OR9Q1: variants seen among roughly 807,000 people sequenced by gnomAD.
The protein encoded by OR9Q1 is olfactory receptor 9Q1.
For missense variants in OR9Q1, 374 were observed against 378.8 expected, an observed-to-expected ratio of 0.99 and a Z score of 0.11; for synonymous variants, 153 against 148.6, an observed-to-expected ratio of 1.03 and a Z score of -0.22.
At chr11:58,151,189 T>A (rs1226384209) in intron 2 of OR9Q1, among the ~76,000 whole-genome samples, 1 of 152,196 alleles carries the variant, frequency 6.6e-6, no homozygotes, top group Non-Finnish European at 1.5e-5. Context: ...TAACTTTTAC[T>A]GAGATCCTTA....
chr11:58,114,014 G>T (rs1853927033), intron 2 of OR9Q1, among the ~76,000 whole-genome samples: 1 of 152,150 alleles, frequency 6.6e-6, no homozygotes, highest in Admixed American at 6.5e-5. Flanking sequence ...GATTGCTGCT[G>T]TGAGAATCTG....
intron 2 of OR9Q1, among the ~76,000 whole-genome samples, chr11:58,140,280 CTTTAG>C (rs1268444070): frequency 1.3e-5 from 2 of 152,106 alleles, no homozygotes; most frequent in African/African-American, 2.4e-5. Context: ...TGCAGAAGCT[CTTTAG>C]TTTAATTAGA....
chr11:58,148,682 G>T (rs774604191), intron 2 of OR9Q1, among the ~76,000 whole-genome samples: 4 of 152,186 alleles, frequency 2.6e-5, no homozygotes, highest in Admixed American at 6.6e-5. Context: ...TTCAAAAAAG[G>T]TAAGGCAGCT....
intron 1 of OR9Q1, among the ~76,000 whole-genome samples, chr11:58,030,199 G>A (rs1311975151): frequency 1.3e-5 from 2 of 152,086 alleles, no homozygotes; most frequent in Non-Finnish European, 1.5e-5. Flanking sequence ...AAAAAGAATA[G>A]CATTGCTTCT....
chr11:58,070,083 C>A (rs1465035358), intron 2 of OR9Q1, among the ~76,000 whole-genome samples: 4 of 151,818 alleles, frequency 2.6e-5, no homozygotes, highest in Non-Finnish European at 4.4e-5. Flanking sequence ...CTCACTGCAA[C>A]CTCCACCTCC....
At chr11:58,118,212 T>G (rs1056313563) in intron 2 of OR9Q1, 4 of 251,632 alleles carry the variant, frequency 1.6e-5, no homozygotes, top group Admixed American at 4.9e-5. Context: ...TGAAATAAAC[T>G]CAAGACTCCT....
chr11:58,042,139 A>AAACTT (rs1853171058), intron 1 of OR9Q1, among the ~76,000 whole-genome samples: 1 of 152,198 alleles, frequency 6.6e-6, no homozygotes, highest in Admixed American at 6.5e-5. Context: ...AATATTAACA[A>AAACTT]AACTTAACAG....
chr11:58,090,399 T>G (rs774829439), intron 2 of OR9Q1, among the ~76,000 whole-genome samples: 2 of 152,214 alleles, frequency 1.3e-5, no homozygotes, highest in African/African-American at 2.4e-5. Flanking sequence ...TCTATTGAGG[T>G]AATCATTTGG....
chr11:58,147,724 T>G (rs1854312056), intron 2 of OR9Q1, among the ~76,000 whole-genome samples: 1 of 152,208 alleles, frequency 6.6e-6, no homozygotes, highest in South Asian at 2.1e-4. Context: ...AAAAAAACAC[T>G]GGGGAATGGT....
chr11:58,143,365 A>G (rs1332560551), intron 2 of OR9Q1, among the ~76,000 whole-genome samples: 2 of 152,176 alleles, frequency 1.3e-5, no homozygotes, highest in Middle Eastern at 3.2e-3. Flanking sequence ...TTCAAAGCCC[A>G]TGTCTTTTAT....
intron 2 of OR9Q1, among the ~76,000 whole-genome samples, chr11:58,107,446 CT>C (rs1465263120): frequency 6.6e-6 from 1 of 152,076 alleles, no homozygotes; most frequent in East Asian, 1.9e-4. Context: ...TGAACTCATC[CT>C]TTTTTATGGC....
At chr11:58,122,013 T>C (rs971294907) in intron 2 of OR9Q1, among the ~76,000 whole-genome samples, 5 of 152,172 alleles carry the variant, frequency 3.3e-5, no homozygotes, top group African/African-American at 9.7e-5. Flanking sequence ...CTGGCTTCCA[T>C]GGGATCCCTT....
At chr11:58,155,664 C>T (rs1474501550) in intron 2 of OR9Q1, among the ~76,000 whole-genome samples, 1 of 152,160 alleles carries the variant, frequency 6.6e-6, no homozygotes, top group African/African-American at 2.4e-5. Flanking sequence ...TCCATTATTC[C>T]TGTGAGATAT....
chr11:58,152,423 A>C (rs577268524), intron 2 of OR9Q1, among the ~76,000 whole-genome samples: 1 of 152,232 alleles, frequency 6.6e-6, no homozygotes, highest in East Asian at 1.9e-4. Flanking sequence ...AGCACTTGGG[A>C]GCATTTGTTT....
At chr11:58,151,544 TACAA>T (rs1565091330) in intron 2 of OR9Q1, among the ~76,000 whole-genome samples, 1 of 152,174 alleles carries the variant, frequency 6.6e-6, no homozygotes. Context: ...TGTTTCATAA[TACAA>T]ACAACATAAA....
intron 2 of OR9Q1, among the ~76,000 whole-genome samples, chr11:58,115,469 C>T (rs1272959493): frequency 1.3e-5 from 2 of 152,078 alleles, no homozygotes; most frequent in Non-Finnish European, 2.9e-5. Flanking sequence ...ATACATATAT[C>T]AAAGCATGAT....
chr11:58,084,235 A>T (rs1219277608), intron 2 of OR9Q1, among the ~76,000 whole-genome samples: 1 of 151,730 alleles, frequency 6.6e-6, no homozygotes, highest in African/African-American at 2.4e-5. Flanking sequence ...AAATGGGATT[A>T]TGTTCTTAAT....
intron 2 of OR9Q1, among the ~76,000 whole-genome samples, chr11:58,150,533 T>TCA (rs1854340780): frequency 6.6e-6 from 1 of 152,192 alleles, no homozygotes; most frequent in Non-Finnish European, 1.5e-5. Context: ...CAACGATGGA[T>TCA]CACACATCAA....
At chr11:58,086,771 C>A (rs1853637955) in intron 2 of OR9Q1, among the ~76,000 whole-genome samples, 1 of 151,672 alleles carries the variant, frequency 6.6e-6, no homozygotes, top group Non-Finnish European at 1.5e-5. Context: ...AACAAAAATA[C>A]CACATTTGTA....
Sources: allele counts gnomAD v4.1 joint callset (sites outside exome capture counted in the v4.1 genomes callset), GRCh38; gene constraint gnomAD v4.1.1; transcripts MANE v1.5; gene names NCBI Gene and HGNC (gene_info 2026-07-23, HGNC 2026-07-21).